Variants in GALK2 observed in about 807,000 individuals in gnomAD.
GALK2 encodes the protein N-acetylgalactosamine kinase.
A neutral mutation model predicts 52.4 loss-of-function variants in GALK2; 36 were observed. The ratio of observed to expected loss-of-function variants is 0.69; its 90% CI spans 0.53 to 0.91. The LOEUF is 0.91. Among genes scored for constraint, GALK2 ranks in the 40% least tolerant of loss-of-function variants. The pLI, the probability that GALK2 is intolerant of heterozygous loss-of-function variation, is 0.00. For missense variants in GALK2, 579 were observed against 559.1 expected, an observed-to-expected ratio of 1.04 and a Z score of -0.36; for synonymous variants, 176 against 199.1, an observed-to-expected ratio of 0.88 and a Z score of 0.98.
Position 49,365,184 on chromosome 15 carries a change from G to A in GALK2, c.427-2307G>A, listed in dbSNP as rs2044919347. 1.4e-5 allele frequency: 11 copies of A among 787,166 alleles called. No homozygotes were observed. In the South Asian group the frequency reaches 1.6e-4, roughly 11 times the overall value. The allele number at this position is 787,166 out of a possible 1,614,324, so 48.8% of individuals were successfully genotyped here. On this transcript the variant is annotated intron_variant, in intron 3 of 3. Coordinates refer to the GALK2 transcript ENST00000558399. Reference sequence around the variant, plus strand: ...TTTTCTTCGTTTTTTGCATAATACAGATGGTCCATCATCTGATAGCTGTTA... The same window carrying A: ...TTTTCTTCGTTTTTTGCATAATACAAATGGTCCATCATCTGATAGCTGTTA...
rs1031682734 is a variant in GALK2, at chr15:49,305,220, T to C, written c.967+12683T>C. 5.9e-5 allele frequency among the ~76,000 whole-genome samples: 9 copies of C among 152,310 alleles called. 1 individual carries two copies. The highest frequency in any genetic ancestry group is 2.2e-4 in the African/African-American group (9 of 41,566). On this transcript the variant is annotated intron_variant, in intron 8 of 9. Coordinates refer to ENST00000560031, the MANE Select transcript of GALK2 (RefSeq NM_002044.4). ...GGATCTAGTGCCTTTTTGCAGGTTA[T>C]TGCCAAATATTAATAGTAATGACAA...
chr15:49,287,724 C>CTTT (rs1452196207), intron 7 of GALK2, among the ~76,000 whole-genome samples: 10 of 152,158 alleles, frequency 6.6e-5, no homozygotes, highest in African/African-American at 2.4e-4. Context: ...GAAAATGAGA[C>CTTT]TGAGACTGAT....
intron 8 of GALK2, among the ~76,000 whole-genome samples, chr15:49,305,446 A>G (rs1378241368): frequency 6.6e-6 from 1 of 152,220 alleles, no homozygotes; most frequent in Non-Finnish European, 1.5e-5. Flanking sequence ...AAGGATTAGA[A>G]TGGGAGAGAC....
At chr15:49,340,005 C>T (rs1031761990) in intron 3 of GALK2, among the ~76,000 whole-genome samples, 1 of 152,160 alleles carries the variant, frequency 6.6e-6, no homozygotes, top group African/African-American at 2.4e-5. Context: ...GCTCAGACTG[C>T]TGTGCTGGCA....
chr15:49,345,965 C>A (rs2041422372), intron 3 of GALK2, among the ~76,000 whole-genome samples: 1 of 151,924 alleles, frequency 6.6e-6, no homozygotes, highest in Admixed American at 6.6e-5. Context: ...ACTTATCTGC[C>A]AAAAGTATTG....
rs917272024 is a variant in GALK2, at chr15:49,328,164, A to G, written c.*5A>G. On this transcript the variant is annotated 3_prime_UTR_variant, in exon 10 of 10. Coordinates refer to ENST00000560031, the MANE Select transcript of GALK2 (RefSeq NM_002044.4). ...TTGGTTTTGCTTGAGGCCTGAAAAA[A>G]TGTAAAAAGTCTGAGAGAAACTACT... 5.0e-6 allele frequency: 8 copies of G among 1,611,504 alleles called. No homozygotes were observed. The highest frequency in any genetic ancestry group is 1.1e-5 in the South Asian group (1 of 90,726).
intron 9 of GALK2, among the ~76,000 whole-genome samples, chr15:49,320,032 G>C (rs1332624693): frequency 6.6e-6 from 1 of 152,114 alleles, no homozygotes; most frequent in Non-Finnish European, 1.5e-5. Context: ...TTTGGAGTCA[G>C]TTTGGAGTCA....
chr15:49,365,448 G>C, intron 3 of GALK2: 1 of 916,724 alleles, frequency 1.1e-6, no homozygotes, highest in Non-Finnish European at 1.8e-6. Flanking sequence ...GTACAATAAT[G>C]TCTCCAAAGC....
chr15:49,327,071 C>CTT (rs1233044755), intron 9 of GALK2: 2 of 152,154 alleles, frequency 1.3e-5, no homozygotes, highest in African/African-American at 4.8e-5. Context: ...TAAATTGCAT[C>CTT]TTTTAAAGCT....
intron 3 of GALK2, among the ~76,000 whole-genome samples, chr15:49,233,900 C>T (rs149538773): frequency 2.1e-4 from 32 of 152,306 alleles, no homozygotes; most frequent in African/African-American, 6.7e-4. Flanking sequence ...ATGTTCATGT[C>T]ATCTTGGCTA....
At chr15:49,228,688 T>TATATATGTATA in intron 3 of GALK2, among the ~76,000 whole-genome samples, 1 of 10,444 alleles carries the variant, frequency 9.6e-5, no homozygotes, top group African/African-American at 3.4e-4. Flanking sequence ...TATATATATA[T>TATATATGTATA]TTTTTTTTTT....
intron 1 of GALK2, among the ~76,000 whole-genome samples, chr15:49,163,191 A>G (rs1225698683): frequency 6.6e-6 from 1 of 152,234 alleles, no homozygotes; most frequent in Non-Finnish European, 1.5e-5. Context: ...TCTAGCAGGA[A>G]TGTAGCAGTA....
intron 3 of GALK2, among the ~76,000 whole-genome samples, chr15:49,340,887 ATAGTG>A (rs1345951738): frequency 6.6e-5 from 10 of 152,304 alleles, no homozygotes; most frequent in African/African-American, 2.4e-4. Flanking sequence ...TAGGATTCTT[ATAGTG>A]TAAAGTCTTA....
chr15:49,187,977 T>G (rs2086477180), intron 1 of GALK2, among the ~76,000 whole-genome samples: 1 of 152,046 alleles, frequency 6.6e-6, no homozygotes, highest in South Asian at 2.1e-4. Context: ...TTCCCGTTAA[T>G]CTTCCTTCTT....
intron 5 of GALK2, among the ~76,000 whole-genome samples, chr15:49,276,622 G>A (rs2031704976): frequency 6.6e-6 from 1 of 152,128 alleles, no homozygotes; most frequent in Non-Finnish European, 1.5e-5. Flanking sequence ...TATTTTCAGT[G>A]TCCCAAAGGA....
At chr15:49,258,063 A>C (rs182677376) in intron 5 of GALK2, among the ~76,000 whole-genome samples, 2 of 152,058 alleles carry the variant, frequency 1.3e-5, no homozygotes, top group East Asian at 3.9e-4. Flanking sequence ...GAGGAAAATA[A>C]AATCTTTGTA....
chr15:49,269,551 A>G (rs16962237), intron 5 of GALK2, among the ~76,000 whole-genome samples: 3,390 of 152,308 alleles, frequency 0.022, 103 homozygotes, highest in South Asian at 0.077. Flanking sequence ...GCATTTCTAC[A>G]TACATTTTCA....
downstream of GALK2, among the ~76,000 whole-genome samples, chr15:49,334,957 AATT>A (rs1417253197): frequency 6.6e-6 from 1 of 152,162 alleles, no homozygotes; most frequent in Non-Finnish European, 1.5e-5. Context: ...TTATTTTATA[AATT>A]ATTATGAATA....
At chr15:49,167,973 A>C (rs1237412294), upstream of GALK2, among the ~76,000 whole-genome samples, 1 of 152,152 alleles carries the variant, frequency 6.6e-6, no homozygotes, top group Non-Finnish European at 1.5e-5. Context: ...TCATTTCAAT[A>C]ATTTATTTTT....
Sources: allele counts gnomAD v4.1 joint callset (sites outside exome capture counted in the v4.1 genomes callset), GRCh38; gene constraint gnomAD v4.1.1; transcripts MANE v1.5; gene names NCBI Gene and HGNC (gene_info 2026-07-23, HGNC 2026-07-21).